Variants in DLGAP2 observed in about 807,000 individuals in gnomAD.
The protein encoded by DLGAP2 is disks large-associated protein 2.
DLGAP2 carries 26 observed loss-of-function variants against 100.3 expected under a neutral mutation model. The ratio of observed to expected loss-of-function variants is 0.26; its 90% CI spans 0.19 to 0.36. The LOEUF (loss-of-function observed/expected upper bound fraction) is 0.36. DLGAP2 is among the 10% of genes least tolerant of loss of function. The pLI is 1.00. For synonymous variants in DLGAP2, 886 were observed against 630.1 expected (o/e 1.41, Z -6.08); for missense variants, 1,858 against 1,453.2 (o/e 1.28, Z -4.53).
intron 3 of DLGAP2, among the ~76,000 whole-genome samples, chr8:1,340,390 G>GA (rs1213309743): frequency 4.6e-5 from 7 of 152,218 alleles, no homozygotes; most frequent in South Asian, 4.1e-4. Context: ...ACATTTGTAA[G>GA]AAAAAAACCA....
At chr8:1,244,875 C>A (rs1191496023) in intron 2 of DLGAP2, among the ~76,000 whole-genome samples, 1 of 152,132 alleles carries the variant, frequency 6.6e-6, no homozygotes, top group East Asian at 1.9e-4. Flanking sequence ...GTTTGCAAAG[C>A]ATATGTGTAA....
At chr8:1,218,318 A>C (rs867733835) in intron 2 of DLGAP2, among the ~76,000 whole-genome samples, 1 of 152,266 alleles carries the variant, frequency 6.6e-6, no homozygotes. Flanking sequence ...GTAGCCAGCT[A>C]TTCCAGCACC....
intron 1 of DLGAP2, among the ~76,000 whole-genome samples, chr8:804,590 T>C (rs1312490760): frequency 6.6e-6 from 1 of 152,228 alleles, no homozygotes; most frequent in Non-Finnish European, 1.5e-5. Flanking sequence ...AAATGAACAC[T>C]GGCTAAGCTG....
chr8:1,192,726 G>C (rs1244532328), intron 2 of DLGAP2, among the ~76,000 whole-genome samples: 1 of 151,116 alleles, frequency 6.6e-6, no homozygotes, highest in East Asian at 1.9e-4. Context: ...CAATGTGCAG[G>C]TTAGTTACAT....
At chr8:1,308,313 C>T (rs185182374) in intron 3 of DLGAP2, among the ~76,000 whole-genome samples, 1 of 152,186 alleles carries the variant, frequency 6.6e-6, no homozygotes, top group South Asian at 2.1e-4. Flanking sequence ...TGACTGCACA[C>T]GGCAAATAAT....
intron 3 of DLGAP2, among the ~76,000 whole-genome samples, chr8:1,407,665 G>A (rs1179827566): frequency 1.1e-5 from 1 of 94,272 alleles, no homozygotes; most frequent in Non-Finnish European, 2.1e-5. Flanking sequence ...CTCCAGAGTC[G>A]TGTATTGAGT....
intron 1 of DLGAP2, among the ~76,000 whole-genome samples, chr8:827,329 G>A (rs1274890188): frequency 6.6e-6 from 1 of 152,160 alleles, no homozygotes; most frequent in South Asian, 2.1e-4. Context: ...TTTTTCATGG[G>A]TGTTCTTAGG....
Position 1,213,896 on chromosome 8 carries a change from C to T in DLGAP2, c.74-44955C>T, listed in dbSNP as rs75350472. Reference sequence around the variant, plus strand: ...CAGACTCCGCCCCATCACTCGGGTCCTCACTCCTTTTGCTGGCCCAGTTCC... The same window carrying T: ...CAGACTCCGCCCCATCACTCGGGTCTTCACTCCTTTTGCTGGCCCAGTTCC... On this transcript the variant is annotated intron_variant, in intron 2 of 14. Transcript: ENST00000637795. 5.9e-3 allele frequency among the ~76,000 whole-genome samples: 895 copies of T among 152,310 alleles called. 7 individuals are homozygous for T. Among genetic ancestry groups the T allele is most frequent in the African/African-American group, 0.02 (816 of 41,554 alleles).
intron 3 of DLGAP2, among the ~76,000 whole-genome samples, chr8:1,410,112 G>C (rs976373369): frequency 2.0e-5 from 3 of 152,134 alleles, no homozygotes; most frequent in East Asian, 1.9e-4. Context: ...AATGCCAGAC[G>C]CTGACACCAA....
chr8:1,627,666 G>A (rs551198455), intron 7 of DLGAP2, among the ~76,000 whole-genome samples: 7 of 152,174 alleles, frequency 4.6e-5, no homozygotes, highest in Non-Finnish European at 8.8e-5. Context: ...TTTTCTCTTA[G>A]TGTGGAGTAG....
chr8:1,595,524 G>A (rs895415073), intron 6 of DLGAP2, among the ~76,000 whole-genome samples: 16 of 150,816 alleles, frequency 1.1e-4, no homozygotes, highest in East Asian at 3.9e-4. Flanking sequence ...AAAATTAGCC[G>A]GGCACGGTGG....
chr8:1,154,744 G>T (rs937709340), intron 2 of DLGAP2, among the ~76,000 whole-genome samples: 1 of 152,092 alleles, frequency 6.6e-6, no homozygotes, highest in African/African-American at 2.4e-5. Context: ...AGGATTTCCA[G>T]TCCTTACTGT....
intron 1 of DLGAP2, among the ~76,000 whole-genome samples, chr8:753,074 T>C (rs1298696933): frequency 6.6e-6 from 1 of 152,192 alleles, no homozygotes; most frequent in Non-Finnish European, 1.5e-5. Flanking sequence ...AGTGTTACCA[T>C]GTGTCTTGCA....
chr8:1,608,137 CCTGT>C (rs1290397315), intron 6 of DLGAP2, among the ~76,000 whole-genome samples: 1 of 110,044 alleles, frequency 9.1e-6, no homozygotes, highest in Non-Finnish European at 1.9e-5. Context: ...CTTAAATGTC[CCTGT>C]CTGACAGCTT....
At chr8:1,666,951 G>A (rs571506119) in intron 8 of DLGAP2, among the ~76,000 whole-genome samples, 143 of 152,126 alleles carry the variant, frequency 9.4e-4, no homozygotes, top group Middle Eastern at 3.2e-3. Flanking sequence ...GGACATCCTT[G>A]GGGAAAACTG....
chr8:1,061,305 C>G (rs1803074810), intron 2 of DLGAP2, among the ~76,000 whole-genome samples: 1 of 152,142 alleles, frequency 6.6e-6, no homozygotes, highest in African/African-American at 2.4e-5. Context: ...CTTACTCTCT[C>G]CAATGTAGGC....
At chr8:1,465,019 G>T (rs551893695) in intron 3 of DLGAP2, among the ~76,000 whole-genome samples, 2 of 152,198 alleles carry the variant, frequency 1.3e-5, no homozygotes, top group African/African-American at 4.8e-5. Context: ...CAAATGTTGG[G>T]GGCTTCTCCC....
Position 1,113,025 on chromosome 8 carries a change from C to G in DLGAP2, c.74-145826C>G, listed in dbSNP as rs1402379270. On this transcript the variant is annotated intron_variant, in intron 2 of 14. Transcript: ENST00000637795. The stretch of plus-strand genomic sequence containing the variant: ...GATCAGATGGTTGCAGGTGTGTAAC[C>G]TTATTTTTGGGCTGTCTATTCGGTT... 2.6e-5 allele frequency among the ~76,000 whole-genome samples: 4 copies of G among 152,030 alleles called. No homozygotes were observed. In the East Asian group the frequency reaches 7.7e-4, roughly 29 times the overall value.
rs776726239 is a variant in DLGAP2 at position 1,697,284 on chromosome 8, G to T, written c.2934G>T (p.Glu978Asp). Residue 978 changes from glutamate to aspartate, a missense_variant, in exon 14 of 15, where the codon GAG becomes GAT. Glu to Asp is a conservative substitution (Grantham distance 45, BLOSUM62 2). Transcript: ENST00000637795. ...GGCTCAACGACTGGAAGATGATGGA[G>T]TCCCCGGAAAGAAAGGTAAGGGCAT... is the stretch of plus-strand genomic sequence containing the variant. ...RLRLNDWKMM[E>D]SPERKEERKV... 3.1e-6 allele frequency: 5 copies of T among 1,606,116 alleles called. No homozygotes were observed. Among genetic ancestry groups the T allele is most frequent in the Non-Finnish European group, 4.3e-6 (5 of 1,175,722 alleles).
Sources: gnomAD v4.1 joint callset for allele counts (sites outside exome capture counted in the v4.1 genomes callset) on GRCh38, gnomAD v4.1.1 for gene constraint, MANE v1.5 for transcripts, NCBI Gene and HGNC (gene_info 2026-07-23, HGNC 2026-07-21) for gene names.